The following NDST4 variants were observed in gnomAD, a reference collection of about 807,000 sequenced individuals.
The protein encoded by NDST4 is N-deacetylase and N-sulfotransferase 4.
NDST4 carries 63 observed loss-of-function variants against 100.8 expected under a neutral mutation model. The observed-to-expected ratio is 0.62, with a 90% confidence interval of 0.51 to 0.77. The LOEUF (loss-of-function observed/expected upper bound fraction) is 0.77, where lower values mean the gene tolerates loss of function less well. Among genes scored for constraint, NDST4 ranks in the 30% least tolerant of loss-of-function variants. The pLI is 0.00. For missense variants in NDST4, 943 were observed against 1,018.4 expected (o/e 0.93, Z 1.01); for synonymous variants, 377 against 361.8 (o/e 1.04, Z -0.48).
rs149358526 is a variant in NDST4, at chr4:115,044,706, GAA to G, written c.978+31351_978+31352del. On this transcript the variant is annotated intron_variant, in intron 2 of 13. Transcript: ENST00000264363. ...GTAAAAGTCAGCAGGAAGGAAAAAG[GAA>G]AAAAAAAAACATTTAGACCACCAAG... 5.0e-3 allele frequency among the ~76,000 whole-genome samples: 689 copies of G among 137,908 alleles called. 7 individuals carry two copies. Among genetic ancestry groups the G allele is most frequent in the African/African-American group, 0.016 (619 of 38,624 alleles). 90.5% of individuals were successfully genotyped at this position (137,908 alleles called of 152,430 possible).
At chr4:114,831,775 T>C (rs11931484) in intron 12 of NDST4, among the ~76,000 whole-genome samples, 16,627 of 152,196 alleles carry the variant, frequency 0.11, 956 homozygotes, top group Middle Eastern at 0.15. Context: ...CTGGTTTCAT[T>C]TATTGCATTG....
intron 6 of NDST4, among the ~76,000 whole-genome samples, chr4:114,901,294 T>C (rs1239201374): frequency 6.6e-6 from 1 of 152,146 alleles, no homozygotes; most frequent in Non-Finnish European, 1.5e-5. Context: ...TTTGAAGTTC[T>C]ATCGTTTTTG....
At chr4:114,961,961 C>T (rs1046016579) in intron 4 of NDST4, among the ~76,000 whole-genome samples, 2 of 151,868 alleles carry the variant, frequency 1.3e-5, no homozygotes, top group Non-Finnish European at 2.9e-5. Context: ...CAATCAAACT[C>T]AATAATATAC....
rs1197818148 is a variant in NDST4 at position 114,833,400 on chromosome 4, TATAAC to T, written c.2396+201_2396+205del. On this transcript the variant is annotated intron_variant, in intron 12 of 13. Transcript: ENST00000264363. ...TCACAAAAAGAAGAATTTGCAATAA[TATAAC>T]ATATACTTTACAAAATAAAGTATTT... Among the ~76,000 whole-genome samples the T allele has an allele frequency of 1.3e-4, 20 of 152,332 alleles. No individual in the cohort carries two copies. The East Asian group carries it at 2.7e-3, about 21-fold the overall frequency.
At chr4:114,902,748 AT>A (rs1336042808) in intron 6 of NDST4, among the ~76,000 whole-genome samples, 2 of 151,192 alleles carry the variant, frequency 1.3e-5, no homozygotes, top group African/African-American at 2.4e-5. Context: ...GATATTCTGG[AT>A]TTTTCTTTTC....
At chr4:115,062,282 A>G (rs367596592) in intron 2 of NDST4, among the ~76,000 whole-genome samples, 2 of 152,216 alleles carry the variant, frequency 1.3e-5, no homozygotes, top group East Asian at 3.9e-4. Context: ...TAAAGATTGT[A>G]AGAGAAAGAA....
At chr4:114,995,218 C>A (rs145079338) in intron 2 of NDST4, among the ~76,000 whole-genome samples, 567 of 152,018 alleles carry the variant, frequency 3.7e-3, no homozygotes, top group Non-Finnish European at 5.7e-3. Flanking sequence ...AACTGTCTTA[C>A]TACTGTTAAG....
At chr4:114,948,563 A>T (rs58000281) in intron 4 of NDST4, among the ~76,000 whole-genome samples, 2,573 of 152,190 alleles carry the variant, frequency 0.017, 65 homozygotes, top group African/African-American at 0.056. Context: ...AAATCATATG[A>T]ATTATTATAT....
chr4:114,949,750 C>T (rs550030734), intron 4 of NDST4, among the ~76,000 whole-genome samples: 1 of 152,176 alleles, frequency 6.6e-6, no homozygotes, highest in South Asian at 2.1e-4. Context: ...TCAATGCCCA[C>T]TACCTAAAAT....
At chr4:114,959,624 A>C (rs1229478108) in intron 4 of NDST4, among the ~76,000 whole-genome samples, 1 of 152,278 alleles carries the variant, frequency 6.6e-6, no homozygotes, top group African/African-American at 2.4e-5. Context: ...ACAATTCAAG[A>C]CAAGATTTGG....
intron 3 of NDST4, among the ~76,000 whole-genome samples, chr4:114,974,652 G>T (rs1052701080): frequency 1.3e-5 from 2 of 152,012 alleles, no homozygotes; most frequent in Non-Finnish European, 2.9e-5. Context: ...TCTAAACTCC[G>T]TGCTTTTATT....
intron 2 of NDST4, among the ~76,000 whole-genome samples, chr4:115,063,879 C>T (rs986710983): frequency 7.9e-5 from 12 of 151,662 alleles, no homozygotes; most frequent in African/African-American, 2.9e-4. Flanking sequence ...ACTTTCTTTT[C>T]CTCACATAGA....
intron 1 of NDST4, among the ~76,000 whole-genome samples, chr4:115,091,606 A>T (rs1035712212): frequency 6.6e-6 from 1 of 152,118 alleles, no homozygotes; most frequent in Non-Finnish European, 1.5e-5. Context: ...TATTGTTCAT[A>T]GTTATATTTT....
chr4:114,910,835 A>G (rs1208751221), intron 6 of NDST4, among the ~76,000 whole-genome samples: 1 of 152,212 alleles, frequency 6.6e-6, no homozygotes, highest in East Asian at 1.9e-4. Flanking sequence ...AGGCTAAAAT[A>G]TTTGATACAT....
At chr4:115,029,514 C>A in intron 2 of NDST4, among the ~76,000 whole-genome samples, 1 of 152,112 alleles carries the variant, frequency 6.6e-6, no homozygotes, top group Middle Eastern at 3.4e-3. Flanking sequence ...CAGGTTCTAC[C>A]TAGAAGTTGA....
intron 9 of NDST4, 57 bp from the exon 10 acceptor site, chr4:114,846,054 T>C: frequency 7.7e-7 from 1 of 1,302,364 alleles, no homozygotes; most frequent in African/African-American, 1.5e-5. Context: ...TGCCATATTC[T>C]GAATGTGAAA....
chr4:114,969,186 C>T (rs1428499481), intron 4 of NDST4, among the ~76,000 whole-genome samples: 3 of 150,554 alleles, frequency 2.0e-5, no homozygotes, highest in African/African-American at 7.3e-5. Flanking sequence ...TAGTGGCGGG[C>T]GCCTGTAGTC....
intron 2 of NDST4, among the ~76,000 whole-genome samples, chr4:115,035,183 C>T (rs995629298): frequency 6.6e-6 from 1 of 152,084 alleles, no homozygotes; most frequent in Non-Finnish European, 1.5e-5. Context: ...AATTTAATGT[C>T]ATCCTATTAA....
intron 1 of NDST4, among the ~76,000 whole-genome samples, chr4:115,096,997 G>T (rs545750743): frequency 4.6e-4 from 70 of 151,962 alleles, no homozygotes; most frequent in African/African-American, 1.5e-3. Flanking sequence ...CCCCTCAACC[G>T]CACAGAAACT....
Sources: allele counts gnomAD v4.1 joint callset (sites outside exome capture counted in the v4.1 genomes callset), GRCh38; gene constraint gnomAD v4.1.1; transcripts MANE v1.5; gene names NCBI Gene and HGNC (gene_info 2026-07-23, HGNC 2026-07-21).